The following CEP126 variants were observed in gnomAD, a reference collection of about 807,000 sequenced individuals.
CEP126 encodes centrosomal protein of 126 kDa.
Under a neutral mutation model 107.8 loss-of-function variants are expected in CEP126, and 74 were observed. The ratio of observed to expected loss-of-function variants is 0.69; its 90% CI spans 0.57 to 0.83. The LOEUF is 0.83. Ranked by LOEUF, CEP126 falls within the 40% of genes least tolerant of loss-of-function variation. The probability of loss-of-function intolerance (pLI) is 0.00; values close to 1 mark genes in which losing one functional copy is unlikely to be tolerated. For synonymous variants in CEP126, 449 were observed against 446.0 expected (o/e 1.01, Z -0.08); for missense variants, 1,237 against 1,281.9 (o/e 0.96, Z 0.53).
chr11:101,989,378 C>T (rs1008972317), intron 9 of CEP126, among the ~76,000 whole-genome samples: 3 of 152,056 alleles, frequency 2.0e-5, no homozygotes, highest in African/African-American at 7.3e-5. Context: ...CATCCCTGGC[C>T]TTTACCCACT....
intron 4 of CEP126, among the ~76,000 whole-genome samples, chr11:101,952,832 A>G (rs375564761): frequency 3.9e-5 from 6 of 152,222 alleles, no homozygotes; most frequent in African/African-American, 1.4e-4. Flanking sequence ...TCATGGCAGT[A>G]TCTGCCAGTG....
Position 101,962,547 on chromosome 11 carries a change from G to A in CEP126, c.1512G>A (p.Glu504=). Residue 504 remains glutamate, a synonymous_variant, in exon 6 of 11, where the codon GAG becomes GAA. Coordinates refer to ENST00000263468, the MANE Select transcript of CEP126 (RefSeq NM_020802.4). ...AATTGAAAGATGGTAAAGAAGAAGA[G>A]ATAAAATATTTTAATTGCAATAAGG... ...LDELKDGKEE[E]IKYFNCNKEE... 1 of 1,613,022 alleles carries A rather than the reference G, an allele frequency of 6.2e-7. No homozygotes were observed. Among genetic ancestry groups the A allele is most frequent in the Non-Finnish European group, 8.5e-7 (1 of 1,179,386 alleles).
chr11:101,956,729 T>C (rs557124841), intron 4 of CEP126: 57 of 455,512 alleles, frequency 1.3e-4, no homozygotes, highest in African/African-American at 1.1e-3. Context: ...AGCTTTTCCC[T>C]CTCCAGTTTC....
At chr11:101,932,381 T>C (rs946265142) in intron 2 of CEP126, among the ~76,000 whole-genome samples, 3 of 152,210 alleles carry the variant, frequency 2.0e-5, no homozygotes, top group African/African-American at 2.4e-5. Flanking sequence ...CAGAAAATAC[T>C]GTATGAAATT....
chr11:101,976,549 C>A (rs576083335), intron 6 of CEP126, among the ~76,000 whole-genome samples: 2 of 152,082 alleles, frequency 1.3e-5, no homozygotes, highest in South Asian at 2.1e-4. Flanking sequence ...TATCATAAAG[C>A]GCATGCACAC....
rs796755448 is a variant in CEP126, at chr11:101,978,392, G to T, written c.2891G>T (p.Arg964Ile). The change falls in exon 7 of 11, where the codon AGA becomes ATA. Residue 964 changes from arginine (R) to isoleucine (I), a missense_variant. Physicochemically the swap from Arg to Ile is moderately conservative, Grantham distance 97. Transcript: ENST00000263468. ...AAACGAATTGCTGAAACTAAGCGGA[G>T]AAATATTTTAGAGCAGAAAAGACAA... ...RRKRIAETKRRNILEQKRQNP... is the reference protein window; with the variant it reads ...RRKRIAETKRINILEQKRQNP... The T allele has an allele frequency of 6.2e-7, 1 of 1,613,638 alleles. No homozygotes were observed. Among genetic ancestry groups the T allele is most frequent in the Non-Finnish European group, 8.5e-7 (1 of 1,179,732 alleles).
intron 8 of CEP126, among the ~76,000 whole-genome samples, chr11:101,984,047 C>CA (rs1442251556): frequency 3.9e-5 from 6 of 152,194 alleles, no homozygotes; most frequent in African/African-American, 1.4e-4. Context: ...AAATTCTCAT[C>CA]AAAAATAATC....
intron 1 of CEP126, among the ~76,000 whole-genome samples, chr11:101,921,849 A>C (rs1940333529): frequency 7.9e-6 from 1 of 126,712 alleles, no homozygotes; most frequent in Admixed American, 9.3e-5. Context: ...GCAGTGGCGC[A>C]ATCTCGGCTC....
In CEP126 at chr11:101,955,923, G is replaced by A. The variant is rs537115906; in HGVS notation, c.507-2245G>A. On this transcript the variant is annotated intron_variant, in intron 4 of 10. Coordinates refer to ENST00000263468, the MANE Select transcript of CEP126 (RefSeq NM_020802.4). The stretch of plus-strand genomic sequence containing the variant: ...AGCTACCCAACTGTTTCTCCTGCCC[G>A]CCAGCCCCATATACTGCCTATCCAT... The A allele has an allele frequency of 2.8e-4, 130 of 456,220 alleles. 1 individual carries two copies. Among genetic ancestry groups the A allele is most frequent in the Middle Eastern group, 2.6e-3 (8 of 3,076 alleles). 28.3% of individuals were successfully genotyped at this position (456,220 alleles called of 1,614,324 possible). A position where few individuals can be genotyped will look rare whatever the true frequency, so the allele number is the denominator to read the frequency against.
intron 2 of CEP126, among the ~76,000 whole-genome samples, chr11:101,934,662 C>A (rs183672096): frequency 6.6e-6 from 1 of 152,154 alleles, no homozygotes; most frequent in Non-Finnish European, 1.5e-5. Context: ...TTTCTATCAT[C>A]AGAGTTAATT....
intron 6 of CEP126, among the ~76,000 whole-genome samples, chr11:101,968,054 A>G (rs1941078494): frequency 6.6e-6 from 1 of 152,212 alleles, no homozygotes; most frequent in Non-Finnish European, 1.5e-5. Context: ...AATACACAAC[A>G]AGGAGGATGC....
At chr11:101,949,746 G>T (rs958089144) in intron 4 of CEP126, among the ~76,000 whole-genome samples, 4 of 152,126 alleles carry the variant, frequency 2.6e-5, no homozygotes, top group Non-Finnish European at 5.9e-5. Flanking sequence ...TAAAAGAGGT[G>T]ACTGAGAGGT....
At chr11:101,915,468 T>G in intron 1 of CEP126, 56 bp downstream of exon 1, 1 of 1,562,006 alleles carries the variant, frequency 6.4e-7, no homozygotes, top group Non-Finnish European at 8.7e-7. Context: ...GGGGCCCATC[T>G]TTTTCCAATT....
intron 2 of CEP126, among the ~76,000 whole-genome samples, chr11:101,927,527 C>T (rs1940431334): frequency 6.6e-6 from 1 of 152,104 alleles, no homozygotes; most frequent in Admixed American, 6.5e-5. Context: ...ACAAAGATCC[C>T]TCAAGTGTTG....
At chr11:101,981,074 G>A (rs1166971857) in intron 7 of CEP126, among the ~76,000 whole-genome samples, 1 of 152,206 alleles carries the variant, frequency 6.6e-6, no homozygotes, top group African/African-American at 2.4e-5. Flanking sequence ...AGTGTTAGAT[G>A]TGTACACTTT....
chr11:101,964,274 G>T (rs928212980), intron 6 of CEP126, among the ~76,000 whole-genome samples: 3 of 150,426 alleles, frequency 2.0e-5, no homozygotes, highest in African/African-American at 7.4e-5. Context: ...CTGCACTCCA[G>T]CCTGATGACA....
intron 2 of CEP126, among the ~76,000 whole-genome samples, chr11:101,927,026 G>A (rs938125546): frequency 7.2e-5 from 11 of 152,214 alleles, no homozygotes; most frequent in African/African-American, 2.4e-4. Context: ...TGTTGGCTGG[G>A]CGCAGTGGCT....
intron 2 of CEP126, among the ~76,000 whole-genome samples, chr11:101,942,835 T>C (rs1940684828): frequency 6.6e-6 from 1 of 152,014 alleles, no homozygotes. Flanking sequence ...GTCTTTTGCC[T>C]CCTTGGTTAA....
At chr11:101,930,196 C>G (rs971132050) in intron 2 of CEP126, among the ~76,000 whole-genome samples, 7 of 144,058 alleles carry the variant, frequency 4.9e-5, no homozygotes, top group Admixed American at 4.2e-4. Flanking sequence ...CCTTGTATCT[C>G]TGGTGATTGG....
Sources: gnomAD v4.1 joint callset for allele counts (sites outside exome capture counted in the v4.1 genomes callset) on GRCh38, gnomAD v4.1.1 for gene constraint, MANE v1.5 for transcripts, NCBI Gene and HGNC (gene_info 2026-07-23, HGNC 2026-07-21) for gene names.